Variants in PTPRD observed in about 807,000 individuals in gnomAD.
PTPRD encodes the protein receptor-type tyrosine-protein phosphatase delta.
PTPRD carries 34 observed loss-of-function variants against 214.5 expected under a neutral mutation model. That is an observed-to-expected ratio of 0.16 (90% CI 0.12 to 0.21). The LOEUF (loss-of-function observed/expected upper bound fraction) is 0.21, where lower values mean the gene tolerates loss of function less well. PTPRD is among the 10% of genes least tolerant of loss of function. PTPRD has a pLI of 1.00. For missense variants in PTPRD, 2,545 were observed against 2,398.7 expected (o/e 1.06, Z -1.27); for synonymous variants, 1,128 against 845.7 (o/e 1.33, Z -5.79).
Position 9,798,357 on chromosome 9 carries a change from C to T in PTPRD, c.-367-31506G>A, listed in dbSNP as rs146685482. On this transcript the variant is annotated intron_variant, in intron 5 of 45. Coordinates refer to ENST00000381196, the MANE Select transcript of PTPRD (RefSeq NM_002839.4). ...AAATAGAGAAACCTGTGTATTTTTA[C>T]GCTACATTTGATGAAGTAAATAGTT... Among the ~76,000 whole-genome samples the T allele has an allele frequency of 2.8e-3, 431 of 152,140 alleles. 1 individual carries two copies. Among genetic ancestry groups the T allele is most frequent in the African/African-American group, 8.8e-3 (365 of 41,512 alleles).
chr9:8,511,695 AT>A lies in PTPRD; in HGVS notation c.1544-4262del, dbSNP rs567286449. ...TTACAATAGGACATGGAAAGCAAAA[AT>A]AAAAGAAGCAAAAATTTTTCTTTAA... is the stretch of plus-strand genomic sequence containing the variant. On this transcript the variant is annotated intron_variant, in intron 21 of 45. Transcript: ENST00000381196. 2.1e-3 allele frequency among the ~76,000 whole-genome samples: 317 copies of A among 152,276 alleles called. 2 individuals are homozygous for A. The highest frequency in any genetic ancestry group is 4.2e-3 in the Admixed American group (64 of 15,298).
chr9:9,446,546 A>G (rs1019062834), intron 8 of PTPRD, among the ~76,000 whole-genome samples: 1 of 152,140 alleles, frequency 6.6e-6, no homozygotes, highest in African/African-American at 2.4e-5. Flanking sequence ...TCTTTATTCA[A>G]TTCACTGTCT....
chr9:10,571,810 A>G (rs1248485281), intron 2 of PTPRD, among the ~76,000 whole-genome samples: 1 of 152,082 alleles, frequency 6.6e-6, no homozygotes, highest in Non-Finnish European at 1.5e-5. Flanking sequence ...GATCTCTCAC[A>G]TGAGCAGTTC....
chr9:8,892,639 A>G (rs1038305204), intron 11 of PTPRD, among the ~76,000 whole-genome samples: 6 of 148,496 alleles, frequency 4.0e-5, no homozygotes, highest in African/African-American at 1.5e-4. Context: ...ATGTGTGTAT[A>G]TATATGTGTA....
At chr9:10,449,763 C>G (rs1173373915) in intron 2 of PTPRD, among the ~76,000 whole-genome samples, 1 of 151,600 alleles carries the variant, frequency 6.6e-6, no homozygotes, top group Non-Finnish European at 1.5e-5. Context: ...TCATTGAGAA[C>G]GGGCCATGAT....
chr9:9,598,580 G>T (rs1173279081), intron 7 of PTPRD, among the ~76,000 whole-genome samples: 1 of 151,960 alleles, frequency 6.6e-6, no homozygotes, highest in Admixed American at 6.6e-5. Flanking sequence ...ACCTACTATA[G>T]ACCTTTTGAT....
intron 2 of PTPRD, among the ~76,000 whole-genome samples, chr9:10,478,435 T>A (rs1365424069): frequency 1.3e-5 from 2 of 152,156 alleles, no homozygotes; most frequent in Non-Finnish European, 2.9e-5. Flanking sequence ...TGGAAACTAC[T>A]TAGCATTTCC....
intron 7 of PTPRD, among the ~76,000 whole-genome samples, chr9:9,599,496 A>G (rs1010872013): frequency 6.6e-6 from 1 of 151,960 alleles, no homozygotes; most frequent in South Asian, 2.1e-4. Context: ...TTCCTCCAAT[A>G]TCTACAGTCT....
chr9:10,419,318 G>T (rs1170862549), intron 2 of PTPRD, among the ~76,000 whole-genome samples: 1 of 151,794 alleles, frequency 6.6e-6, no homozygotes, highest in Non-Finnish European at 1.5e-5. Context: ...TTTGTTTCTA[G>T]CACACTGGTC....
At chr9:8,626,938 C>A (rs999337570) in intron 14 of PTPRD, among the ~76,000 whole-genome samples, 5 of 151,684 alleles carry the variant, frequency 3.3e-5, no homozygotes, top group African/African-American at 1.2e-4. Flanking sequence ...GGTTCTCTTT[C>A]TCCAGAGAAC....
chr9:10,400,803 CA>C (rs2098257440), intron 2 of PTPRD, among the ~76,000 whole-genome samples: 1 of 151,398 alleles, frequency 6.6e-6, no homozygotes, highest in Non-Finnish European at 1.5e-5. Flanking sequence ...CCCTCATAAC[CA>C]ATGATCTGAT....
intron 7 of PTPRD, among the ~76,000 whole-genome samples, chr9:9,695,375 C>A (rs903262866): frequency 6.6e-6 from 1 of 152,150 alleles, no homozygotes; most frequent in African/African-American, 2.4e-5. Context: ...GAGAATCACT[C>A]TCATTGCTAT....
rs10809094 is a variant in PTPRD at position 10,468,748 on chromosome 9, G to A, written c.-599-127731C>T. On this transcript the variant is annotated intron_variant, in intron 2 of 45. Coordinates refer to ENST00000381196, the MANE Select transcript of PTPRD (RefSeq NM_002839.4). ...TTTCCTCTCAATGACAAATTCAGCA[G>A]TGAATGTTTATGTATATTTATGCAT... Among the ~76,000 whole-genome samples the A allele has an allele frequency of 3.9e-5, 6 of 151,974 alleles. No individual in the cohort carries two copies. The East Asian group carries it at 1.2e-3, about 29-fold the overall frequency.
chr9:10,401,675 TACTGTATGTACA>T (rs1209542072), intron 2 of PTPRD, among the ~76,000 whole-genome samples: 138 of 148,938 alleles, frequency 9.3e-4, no homozygotes, highest in Non-Finnish European at 2.3e-4. Context: ...ATCACAGACA[TACTGTATGTACA>T]TAATAAAATG....
In PTPRD at chr9:10,079,932, CTT is replaced by C. The variant is rs58765296; in HGVS notation, c.-544-46144_-544-46143del. On this transcript the variant is annotated intron_variant, in intron 3 of 45. Coordinates refer to ENST00000381196, the MANE Select transcript of PTPRD (RefSeq NM_002839.4). ...GAGTATCCAAGGTAATTAAATCTTG[CTT>C]TTTTTTTTTTTTTTCCAGCTTGGTA... Among the ~76,000 whole-genome samples, 831 of 139,112 alleles carry C rather than the reference CTT, an allele frequency of 6.0e-3. 7 individuals are homozygous for C. The highest frequency in any genetic ancestry group is 0.019 in the African/African-American group (750 of 38,690). 91.3% of individuals were successfully genotyped at this position (139,112 alleles called of 152,430 possible). A position where few individuals can be genotyped will look rare whatever the true frequency, so the allele number is the denominator to read the frequency against.
chr9:9,580,620 C>T (rs138152421), intron 7 of PTPRD, among the ~76,000 whole-genome samples: 1 of 145,162 alleles, frequency 6.9e-6, no homozygotes, highest in African/African-American at 2.6e-5. Flanking sequence ...GTGATCTCTG[C>T]TCACTGCAAC....
chr9:8,534,468 T>C (rs960179046), intron 14 of PTPRD, among the ~76,000 whole-genome samples: 1 of 151,892 alleles, frequency 6.6e-6, no homozygotes, highest in Non-Finnish European at 1.5e-5. Flanking sequence ...ACTGGATATC[T>C]TACGGTTTGA....
At chr9:8,886,782 G>T (rs891726502) in intron 11 of PTPRD, among the ~76,000 whole-genome samples, 1 of 152,178 alleles carries the variant, frequency 6.6e-6, no homozygotes, top group African/African-American at 2.4e-5. Flanking sequence ...GTTTGCTAAT[G>T]TGCTGGTGGT....
intron 12 of PTPRD, chr9:8,713,324 G>A: frequency 3.6e-6 from 3 of 822,536 alleles, no homozygotes; most frequent in Admixed American, 3.9e-5. Flanking sequence ...AAGGCCTCGG[G>A]CACACTAAGA....
Sources: allele counts gnomAD v4.1 joint callset (sites outside exome capture counted in the v4.1 genomes callset), GRCh38; gene constraint gnomAD v4.1.1; transcripts MANE v1.5; gene names NCBI Gene and HGNC (gene_info 2026-07-23, HGNC 2026-07-21).